The following DAB2 variants were observed in gnomAD, a reference collection of about 807,000 sequenced individuals.
DAB2 encodes disabled homolog 2.
Under a neutral mutation model 71.6 loss-of-function variants are expected in DAB2, and 28 were observed. That is an observed-to-expected ratio of 0.39 (90% confidence interval 0.29 to 0.54). The LOEUF is 0.54. Ranked by LOEUF, DAB2 falls within the 20% of genes least tolerant of loss-of-function variation. The pLI is 0.68. For synonymous variants in DAB2, 345 were observed against 339.7 expected (o/e 1.02, Z -0.17); for missense variants, 867 against 928.8 (o/e 0.93, Z 0.86).
At chr5:39,419,477 A>G (rs1162596294) in intron 1 of DAB2, among the ~76,000 whole-genome samples, 1 of 152,228 alleles carries the variant, frequency 6.6e-6, no homozygotes, top group Non-Finnish European at 1.5e-5. Context: ...TTTCTATTTC[A>G]AGTTACTTAA....
At chr5:39,374,840 G>T (rs758627412) in intron 14 of DAB2, 174 bp downstream of exon 14, 7 of 590,036 alleles carry the variant, frequency 1.2e-5, no homozygotes, top group African/African-American at 3.9e-5. Flanking sequence ...CTATTCTTAA[G>T]TGCCCAGCCT....
rs76225925 is a variant in DAB2 at position 39,374,587 on chromosome 5, T to C, written c.*5+427A>G. On this transcript the variant is annotated intron_variant, in intron 14 of 14. Transcript: ENST00000320816. ...TTAAATGGTAGAGAAGTAATGATCA[T>C]AATCTGTTTTGCTGACTTGGTGGCT... 6.9e-3 allele frequency among the ~76,000 whole-genome samples: 1,058 copies of C among 152,350 alleles called. 2 individuals carry two copies. Among genetic ancestry groups the C allele is most frequent in the Non-Finnish European group, 0.01 (699 of 68,024 alleles).
intron 5 of DAB2, 25 bp downstream of exon 5, chr5:39,390,419 G>C: frequency 1.2e-6 from 2 of 1,610,802 alleles, no homozygotes; most frequent in African/African-American, 1.3e-5. Context: ...AAGTCCCCAG[G>C]TCTATGTCAA....
At chr5:39,393,860 T>C (rs1013165186) in intron 2 of DAB2, among the ~76,000 whole-genome samples, 2 of 152,228 alleles carry the variant, frequency 1.3e-5, no homozygotes, top group African/African-American at 2.4e-5. Flanking sequence ...CTTTATAATG[T>C]CTTTTGCTCC....
At chr5:39,396,781 C>A (rs1165683712) in intron 1 of DAB2, among the ~76,000 whole-genome samples, 1 of 152,146 alleles carries the variant, frequency 6.6e-6, no homozygotes. Flanking sequence ...AGGGTGAGAA[C>A]ATCTTTCTCT....
Position 39,393,291 on chromosome 5 carries a change from C to T in DAB2, c.194G>A (p.Gly65Glu). 2 of 1,613,940 alleles carry T rather than the reference C, an allele frequency of 1.2e-6. No homozygotes were observed. The highest frequency in any genetic ancestry group is 1.7e-6 in the Non-Finnish European group (2 of 1,179,948). The change falls in exon 3 of 15, where the codon GGG becomes GAG. Residue 65 changes from glycine to glutamate, a missense_variant. Around this residue, in one of 2 missense-constraint regions of DAB2, gnomAD observed 127 missense variants for 194.4 expected, o/e 0.65. Transcript: ENST00000320816. Reference sequence around the variant, plus strand: ...CATAGAGTCTTGGCTCATTTTATCCCCTCTTGCATCTGGCACATCATCAAT... The same window carrying T: ...CATAGAGTCTTGGCTCATTTTATCCTCTCTTGCATCTGGCACATCATCAAT... ...IGIDDVPDAR[G>E]DKMSQDSMMK... is the part of the protein sequence containing the mutation.
intron 1 of DAB2, among the ~76,000 whole-genome samples, chr5:39,411,825 T>C (rs1400114689): frequency 6.6e-6 from 1 of 152,098 alleles, no homozygotes; most frequent in Non-Finnish European, 1.5e-5. Flanking sequence ...AAATGTGAAA[T>C]CAGAAAAATA....
At position 39,377,188 on chromosome 5, in the gene DAB2, C is replaced by G. The variant is rs377758360; in HGVS notation, c.1599G>C (p.Met533Ile). 8 of 1,613,990 alleles carry G rather than the reference C, an allele frequency of 5.0e-6. No homozygotes were observed. The African/African-American group carries it at 1.1e-4, about 22-fold the overall frequency. ...QSPSMAPGAM[M>I]GGQPSGFSQP... Reference sequence around the variant, plus strand: ...GACTAAAACCTGAAGGTTGACCACCCATCATGGCTCCCGGAGCCATTGAAG... The same window carrying G: ...GACTAAAACCTGAAGGTTGACCACCGATCATGGCTCCCGGAGCCATTGAAG... Residue 533 changes from methionine to isoleucine, a missense_variant, in exon 12 of 15, where the codon ATG becomes ATC. Met to Ile is a conservative substitution (Grantham distance 10). Around this residue, in one of 2 missense-constraint regions of DAB2, gnomAD observed 740 missense variants for 734.3 expected, o/e 1.01. Coordinates refer to ENST00000320816, the MANE Select transcript of DAB2 (RefSeq NM_001343.4).
chr5:39,410,816 A>AT (rs397766209), intron 1 of DAB2, among the ~76,000 whole-genome samples: 1 of 151,110 alleles, frequency 6.6e-6, no homozygotes, highest in African/African-American at 2.4e-5. Context: ...TAAAAAAAAA[A>AT]CTATGAATTA....
At chr5:39,376,251 C>A in intron 12 of DAB2, 145 bp from the exon 13 acceptor site, 2 of 638,382 alleles carry the variant, frequency 3.1e-6, no homozygotes, top group Non-Finnish European at 5.5e-6. Context: ...ATACTAGGTA[C>A]CCCAATAATT....
intron 1 of DAB2, among the ~76,000 whole-genome samples, chr5:39,420,927 C>A (rs1394710681): frequency 6.6e-6 from 1 of 152,172 alleles, no homozygotes; most frequent in Non-Finnish European, 1.5e-5. Context: ...GGCCTGCACA[C>A]ACTCGGAAGA....
At chr5:39,374,094 G>T (rs563425159) in intron 14 of DAB2, among the ~76,000 whole-genome samples, 4 of 151,938 alleles carry the variant, frequency 2.6e-5, no homozygotes, top group African/African-American at 9.7e-5. Flanking sequence ...TATTGTTTTC[G>T]CCACGTTTAA....
Position 39,389,123 on chromosome 5 carries a change from T to C in DAB2, c.544A>G (p.Ile182Val). The stretch of plus-strand genomic sequence containing the variant: ...TCAACTGCTTTGCTGGCTTCCTCTA[T>C]CTAAAAAGAAAGATACATATTCAGT... ...VKKKEEEKKK[I>V]EEASKAVENG... The change falls in exon 7 of 15, where the codon ATA becomes GTA. Residue 182 changes from isoleucine to valine, a missense_variant and splice_region_variant. This residue lies in a region of DAB2 where 740 missense variants were observed against 734.3 expected (regional missense o/e 1.01). Transcript: ENST00000320816. 6.2e-7 allele frequency: 1 copy of C among 1,611,286 alleles called. No homozygotes were observed. The highest frequency in any genetic ancestry group is 8.5e-7 in the Non-Finnish European group (1 of 1,178,056).
At position 39,376,715 on chromosome 5, in the gene DAB2, C is replaced by T; in HGVS notation, c.2072G>A (p.Gly691Asp). The change falls in exon 12 of 15, where the codon GGC becomes GAC. Residue 691 changes from glycine to aspartate, a missense_variant. Around this residue, in one of 2 missense-constraint regions of DAB2, gnomAD observed 740 missense variants for 734.3 expected, o/e 1.01. Coordinates refer to ENST00000320816, the MANE Select transcript of DAB2 (RefSeq NM_001343.4). Reference sequence around the variant, plus strand: ...ATGGTCTGCATTCTCCTGAGGAATGCCAACCTTGCTGTTGAAATAACTGGC... The same window carrying T: ...ATGGTCTGCATTCTCCTGAGGAATGTCAACCTTGCTGTTGAAATAACTGGC... Reference protein sequence around the residue: ...AFASYFNSKVGIPQENADHDD... With the variant: ...AFASYFNSKVDIPQENADHDD... The T allele has an allele frequency of 6.2e-7, 1 of 1,614,090 alleles. No homozygotes were observed. The highest frequency in any genetic ancestry group is 8.5e-7 in the Non-Finnish European group (1 of 1,180,018).
At chr5:39,388,998 T>G (rs1292553655) in intron 7 of DAB2, 99 bp downstream of exon 7, 1 of 1,330,156 alleles carries the variant, frequency 7.5e-7, no homozygotes, top group Non-Finnish European at 1.1e-6. Flanking sequence ...CATAAACACA[T>G]AGTAATAAGC....
rs1754728140 is a variant in DAB2, at chr5:39,372,649, G to A, written c.*782C>T. 1 of 147,264 alleles carries A rather than the reference G, an allele frequency of 6.8e-6. No homozygotes were observed. Among genetic ancestry groups the A allele is most frequent in the African/African-American group, 2.5e-5 (1 of 39,578 alleles). 9.1% of individuals were successfully genotyped at this position (147,264 alleles called of 1,614,324 possible). On this transcript the variant is annotated 3_prime_UTR_variant, in exon 15 of 15. Coordinates refer to ENST00000320816, the MANE Select transcript of DAB2 (RefSeq NM_001343.4). ...TTAGATTTTTTTTTTTTTTTGCCCT[G>A]TGAGAGTCTGTTGCTTGTGAAAGGG... is the stretch of plus-strand genomic sequence containing the variant.
intron 1 of DAB2, among the ~76,000 whole-genome samples, chr5:39,413,121 G>A (rs1214891252): frequency 1.3e-5 from 2 of 152,112 alleles, no homozygotes; most frequent in Non-Finnish European, 2.9e-5. Context: ...TGACAAATCC[G>A]AGTACAGGGA....
At chr5:39,376,533 A>C (rs1754835291) in intron 12 of DAB2, 117 bp downstream of exon 12, 1 of 1,229,538 alleles carries the variant, frequency 8.1e-7, no homozygotes, top group South Asian at 1.4e-5. Context: ...GATTACCAAC[A>C]GAAGCAAGAG....
At chr5:39,409,415 T>A (rs1438143699) in intron 1 of DAB2, among the ~76,000 whole-genome samples, 1 of 152,214 alleles carries the variant, frequency 6.6e-6, no homozygotes, top group African/African-American at 2.4e-5. Context: ...TGTTCTAATG[T>A]ATTGAAATAT....
Sources: allele counts gnomAD v4.1 joint callset (sites outside exome capture counted in the v4.1 genomes callset), GRCh38; gene constraint gnomAD v4.1.1; regional missense constraint gnomAD v4.1.1; transcripts MANE v1.5; gene names NCBI Gene and HGNC (gene_info 2026-07-23, HGNC 2026-07-21).